Variants in IL6ST observed in about 807,000 individuals in gnomAD.
The protein encoded by IL6ST is interleukin 6 cytokine family signal transducer, also known as interleukin-6 receptor subunit beta.
Under a neutral mutation model 91.3 loss-of-function variants are expected in IL6ST, and 24 were observed. The observed-to-expected ratio is 0.26, with a 90% CI of 0.19 to 0.37. The LOEUF (loss-of-function observed/expected upper bound fraction) is 0.37, where lower values mean the gene tolerates loss of function less well. Among genes scored for constraint, IL6ST ranks in the 10% least tolerant of loss-of-function variants. The pLI, the probability that IL6ST is intolerant of heterozygous loss-of-function variation, is 1.00. For synonymous variants in IL6ST, 351 were observed against 373.6 expected (o/e 0.94, Z 0.70); for missense variants, 914 against 1,078.5 (o/e 0.85, Z 2.14).
At chr5:55,985,216 T>C (rs908652989) in intron 1 of IL6ST, among the ~76,000 whole-genome samples, 1 of 152,154 alleles carries the variant, frequency 6.6e-6, no homozygotes, top group Non-Finnish European at 1.5e-5. Context: ...AGTCTTTGCT[T>C]AATCTAAAAT....
chr5:55,942,250 A>G (rs940595372), intron 16 of IL6ST, among the ~76,000 whole-genome samples: 3 of 152,232 alleles, frequency 2.0e-5, no homozygotes, highest in Admixed American at 6.5e-5. Flanking sequence ...TAAAATTCAG[A>G]GTTTAGAGTA....
chr5:55,983,187 T>C (rs566960471), intron 1 of IL6ST, among the ~76,000 whole-genome samples: 4 of 152,042 alleles, frequency 2.6e-5, no homozygotes, highest in Non-Finnish European at 5.9e-5. Flanking sequence ...TTAGTACAGA[T>C]AGTGTTTTGC....
chr5:55,976,122 TAATA>T (rs1193368801), intron 3 of IL6ST, 89 bp downstream of exon 3: 6 of 508,784 alleles, frequency 1.2e-5, no homozygotes, highest in Admixed American at 4.0e-5. Context: ...TATATGAACA[TAATA>T]ATTAAACATA....
At chr5:55,943,640 A>G (rs534986898) in intron 15 of IL6ST, among the ~76,000 whole-genome samples, 25 of 152,342 alleles carry the variant, frequency 1.6e-4, no homozygotes, top group African/African-American at 6.0e-4. Flanking sequence ...AGGAAGGAGA[A>G]AAACCATATG....
At chr5:55,979,084 T>TAA (rs1200900221) in intron 2 of IL6ST, among the ~76,000 whole-genome samples, 32 of 152,114 alleles carry the variant, frequency 2.1e-4, no homozygotes, top group African/African-American at 7.7e-4. Flanking sequence ...ATCTCATATA[T>TAA]AATACAGAAT....
In IL6ST at chr5:55,954,902, T is replaced by C. The variant is rs1237217584; in HGVS notation, c.1358A>G (p.Tyr453Cys). Residue 453 changes from tyrosine to cysteine, a missense_variant, in exon 11 of 17, where the codon TAT (tyrosine) becomes TGT (cysteine). Tyr to Cys is a radical substitution (Grantham distance 194, BLOSUM62 -2). Transcript: ENST00000381298. Reference sequence around the variant, plus strand: ...TGATAACACACACCACTCAAGTATATATTTCTTTACAGATTCCCTTGGAGT... The same window carrying C: ...TGATAACACACACCACTCAAGTATACATTTCTTTACAGATTCCCTTGGAGT... ...WTTPRESVKK[Y>C]ILEWCVLSDK... The C allele has an allele frequency of 2.5e-6, 4 of 1,613,208 alleles. No homozygotes were observed. In the South Asian group the frequency reaches 4.4e-5, roughly 18 times the overall value.
chr5:55,978,787 T>TA (rs1310319417), intron 2 of IL6ST, among the ~76,000 whole-genome samples: 2 of 152,342 alleles, frequency 1.3e-5, no homozygotes, highest in Non-Finnish European at 2.9e-5. Context: ...GCAGAAATGT[T>TA]AGACTCATGG....
intron 3 of IL6ST, among the ~76,000 whole-genome samples, chr5:55,974,598 C>A (rs1257243923): frequency 1.3e-5 from 2 of 151,686 alleles, no homozygotes; most frequent in Non-Finnish European, 2.9e-5. Flanking sequence ...GATTCTCCTG[C>A]CTCAGCCTCC....
chr5:55,964,292 T>A lies in IL6ST; in HGVS notation c.512A>T (p.Asp171Val). 1 of 1,610,904 alleles carries A rather than the reference T, an allele frequency of 6.2e-7. No homozygotes were observed. The highest frequency in any genetic ancestry group is 1.1e-5 in the South Asian group (1 of 90,608). Residue 171 changes from aspartate (D) to valine (V), a missense_variant, in exon 6 of 17, where the codon GAT becomes GTT. Asp to Val is a radical substitution (Grantham distance 152). Coordinates refer to ENST00000381298, the MANE Select transcript of IL6ST (RefSeq NM_002184.4). Reference sequence around the variant, plus strand: ...GGGGGTGTCACGTTTTGCTTTGCAATCAGCAAACTTGTGTGTTGCCCTAAA... The same window carrying A: ...GGGGGTGTCACGTTTTGCTTTGCAAACAGCAAACTTGTGTGTTGCCCTAAA... Reference protein sequence around the residue: ...KSEWATHKFADCKAKRDTPTS... With the variant: ...KSEWATHKFAVCKAKRDTPTS...
At chr5:55,960,047 G>C (rs573726116) in intron 8 of IL6ST, among the ~76,000 whole-genome samples, 1 of 151,808 alleles carries the variant, frequency 6.6e-6, no homozygotes, top group African/African-American at 2.4e-5. Flanking sequence ...CACCACGCCC[G>C]GCTAATTTTT....
intron 8 of IL6ST, chr5:55,959,675 T>A: frequency 3.9e-6 from 5 of 1,289,364 alleles, no homozygotes; most frequent in Non-Finnish European, 5.1e-6. Context: ...TCAAGTGCTA[T>A]TAGAAAAAAA....
At chr5:55,976,192 A>AT in intron 3 of IL6ST, 23 bp downstream of exon 3, 1 of 1,340,764 alleles carries the variant, frequency 7.5e-7, no homozygotes, top group Non-Finnish European at 1.0e-6. Flanking sequence ...AAGTTAGAAG[A>AT]TAGGGTATTT....
intron 7 of IL6ST, among the ~76,000 whole-genome samples, chr5:55,961,778 G>C (rs1184841059): frequency 6.6e-6 from 1 of 150,392 alleles, no homozygotes; most frequent in Non-Finnish European, 1.5e-5. Context: ...AAAAAAGACA[G>C]CCAGTTCCTG....
intron 11 of IL6ST, among the ~76,000 whole-genome samples, chr5:55,952,694 G>A (rs889233908): frequency 3.3e-5 from 5 of 152,168 alleles, no homozygotes; most frequent in African/African-American, 1.2e-4. Flanking sequence ...TAAGGAGCAA[G>A]ACGACTAAAG....
At position 55,952,249 on chromosome 5, in the gene IL6ST, C is replaced by G. The variant is rs1441998339; in HGVS notation, c.1552+1G>C. Reference sequence around the variant, plus strand: ...TTTCAAAGAAGTGAGTTTGGACTTACGAGCTTGTTTAAGGTATGCCTTTAT... The same window carrying G: ...TTTCAAAGAAGTGAGTTTGGACTTAGGAGCTTGTTTAAGGTATGCCTTTAT... On this transcript the variant is annotated splice_donor_variant, in intron 12 of 16. Transcript: ENST00000381298. LOFTEE classifies it high-confidence loss of function. 3 of 1,600,064 alleles carry G rather than the reference C, an allele frequency of 1.9e-6. No homozygotes were observed. Among genetic ancestry groups the G allele is most frequent in the Non-Finnish European group, 2.6e-6 (3 of 1,169,828 alleles).
chr5:55,937,393 C>A lies in IL6ST; in HGVS notation c.*3689G>T, dbSNP rs1022343591. ...TGAGAATATCATGCTAATGCACATACTAGTAGCATGTATGATGGAAAAAAA... is the reference window on the plus strand; with the variant it reads ...TGAGAATATCATGCTAATGCACATAATAGTAGCATGTATGATGGAAAAAAA... On this transcript the variant is annotated 3_prime_UTR_variant, in exon 17 of 17. Transcript: ENST00000381298. 5 of 212,526 alleles carry A rather than the reference C, an allele frequency of 2.4e-5. No individual in the cohort carries two copies. The highest frequency in any genetic ancestry group is 3.8e-5 in the Non-Finnish European group (4 of 104,958). The allele number at this position is 212,526 out of a possible 1,614,324, so 13.2% of individuals were successfully genotyped here.
At chr5:55,982,624 CTCCTAATATCCTAAAGAA>C in intron 2 of IL6ST, 82 bp downstream of exon 2, 1 of 394,880 alleles carries the variant, frequency 2.5e-6, no homozygotes, top group East Asian at 3.6e-5. Context: ...TCACTTTAGT[CTCCTAATATCCTAAAGAA>C]TCAGGTGAGT....
chr5:55,941,157 C>T lies in IL6ST; in HGVS notation c.2682G>A (p.Glu894=), dbSNP rs1344476159. Residue 894 remains glutamate, a synonymous_variant, in exon 17 of 17, where the codon GAG becomes GAA. Coordinates refer to ENST00000381298, the MANE Select transcript of IL6ST (RefSeq NM_002184.4). ...TAGGCATGCCTTCATCAGTCGCAGC[C>T]TCCATGCCAACTGTTTCAAATCTTT... ...QVERFETVGM[E]AATDEGMPKS... 1.2e-6 allele frequency: 2 copies of T among 1,614,076 alleles called. No individual in the cohort carries two copies. Among genetic ancestry groups the T allele is most frequent in the Non-Finnish European group, 1.7e-6 (2 of 1,179,946 alleles).
chr5:55,953,988 ATTTTT>A (rs759513856), intron 11 of IL6ST, among the ~76,000 whole-genome samples: 1 of 151,310 alleles, frequency 6.6e-6, no homozygotes, highest in Non-Finnish European at 1.5e-5. Flanking sequence ...CCCTGTATTT[ATTTTT>A]TTTTAAGAAG....
Sources: gnomAD v4.1 joint callset for allele counts (sites outside exome capture counted in the v4.1 genomes callset) on GRCh38, gnomAD v4.1.1 for gene constraint, MANE v1.5 for transcripts, NCBI Gene and HGNC (gene_info 2026-07-23, HGNC 2026-07-21) for gene names.